The following LCORL variants were observed in gnomAD, a reference collection of about 807,000 sequenced individuals.
LCORL encodes ligand-dependent nuclear receptor corepressor-like protein.
Under a neutral mutation model 141.8 loss-of-function variants are expected in LCORL, and 41 were observed. The observed-to-expected ratio is 0.29, with a 90% CI of 0.23 to 0.38. The LOEUF is 0.38. Ranked by LOEUF, LCORL falls within the 10% of genes least tolerant of loss-of-function variation. The probability of loss-of-function intolerance (pLI) is 1.00; values close to 1 mark genes in which losing one functional copy is unlikely to be tolerated. For synonymous variants in LCORL, 618 were observed against 694.1 expected, an observed-to-expected ratio of 0.89 and a Z score of 1.72; for missense variants, 1,759 against 2,035.0, an observed-to-expected ratio of 0.86 and a Z score of 2.61.
chr4:17,990,390 C>T (rs1053117203), intron 1 of LCORL, among the ~76,000 whole-genome samples: 7 of 151,996 alleles, frequency 4.6e-5, no homozygotes, highest in African/African-American at 1.7e-4. Flanking sequence ...TGAGCCACCA[C>T]GCCTGGCCAA....
chr4:17,938,559 GGCAT>G (rs1737285562), intron 4 of LCORL, among the ~76,000 whole-genome samples: 1 of 151,388 alleles, frequency 6.6e-6, no homozygotes, highest in African/African-American at 2.4e-5. Flanking sequence ...TGAGATTACA[GGCAT>G]GCACCACCAC....
At chr4:18,007,858 A>C (rs1723072135) in intron 1 of LCORL, among the ~76,000 whole-genome samples, 1 of 152,194 alleles carries the variant, frequency 6.6e-6, no homozygotes, top group Admixed American at 6.5e-5. Context: ...ACTCATAGGC[A>C]AATTCTATTC....
At chr4:17,950,689 A>T (rs1739577041) in intron 4 of LCORL, among the ~76,000 whole-genome samples, 1 of 152,170 alleles carries the variant, frequency 6.6e-6, no homozygotes, top group African/African-American at 2.4e-5. Context: ...ATTTAATGAA[A>T]TGGACAGTAG....
chr4:17,873,910 T>C, exon 7 of LCORL: 1 of 1,234,056 alleles, frequency 8.1e-7, no homozygotes, highest in Non-Finnish European at 1.0e-6. Context: ...CCATTCTCTT[T>C]TGCTTCTGAC....
intron 5 of LCORL, among the ~76,000 whole-genome samples, chr4:17,891,168 T>C (rs949325654): frequency 7.2e-5 from 11 of 152,164 alleles, no homozygotes; most frequent in Non-Finnish European, 1.5e-4. Context: ...TTACATGTCT[T>C]AACTCATCCA....
intron 1 of LCORL, among the ~76,000 whole-genome samples, chr4:17,990,753 C>T (rs1437795386): frequency 1.3e-5 from 2 of 151,692 alleles, no homozygotes; most frequent in African/African-American, 2.4e-5. Context: ...GGCCTCAGCC[C>T]GGTCCTGGCC....
chr4:17,979,121 C>A (rs934383594), intron 1 of LCORL, among the ~76,000 whole-genome samples: 1 of 151,882 alleles, frequency 6.6e-6, no homozygotes, highest in African/African-American at 2.4e-5. Flanking sequence ...TTGTTCAATT[C>A]CCACCTATGA....
intron 7 of LCORL, among the ~76,000 whole-genome samples, chr4:17,860,916 T>C (rs944034061): frequency 7.2e-5 from 11 of 152,206 alleles, no homozygotes; most frequent in East Asian, 3.9e-4. Flanking sequence ...CCAGGTCACG[T>C]TGATATAATA....
intron 4 of LCORL, among the ~76,000 whole-genome samples, chr4:17,917,940 A>AAAAACAAAACAAAAAAC (rs750249472): frequency 6.6e-6 from 1 of 151,742 alleles, no homozygotes; most frequent in African/African-American, 2.4e-5. Flanking sequence ...ACAGGTTAAC[A>AAAAACAAAACAAAAAAC]AAAACAAAAC....
chr4:17,976,488 T>C (rs76548524), intron 1 of LCORL, among the ~76,000 whole-genome samples: 10 of 152,264 alleles, frequency 6.6e-5, no homozygotes, highest in Non-Finnish European at 1.5e-4. Context: ...CCATCTACTT[T>C]AAAACATTAT....
At chr4:17,915,814 AAAAG>A (rs1326486832) in intron 4 of LCORL, among the ~76,000 whole-genome samples, 1 of 152,184 alleles carries the variant, frequency 6.6e-6, no homozygotes, top group African/African-American at 2.4e-5. Flanking sequence ...TTAAAGTGCA[AAAAG>A]AAAGAGATAA....
At chr4:17,924,832 ACAACTC>A (rs533671095) in intron 4 of LCORL, among the ~76,000 whole-genome samples, 75 of 152,296 alleles carry the variant, frequency 4.9e-4, no homozygotes, top group African/African-American at 1.8e-3. Context: ...AGTCACAATT[ACAACTC>A]CAACTAGATG....
Position 17,874,253 on chromosome 4 carries a change from G to A in LCORL, c.4737C>T (p.Asn1579=), listed in dbSNP as rs929660985. Residue 1579 remains asparagine (N), a synonymous_variant, in exon 7 of 8, where the codon AAC becomes AAT. Transcript: ENST00000635767. ...TACTTTTCACATTTAAGAGTGGAGA[G>A]TTAGCCACTTTATGCAGTATATGCA... 32 of 1,233,892 alleles carry A rather than the reference G, an allele frequency of 2.6e-5. 1 individual carries two copies. In the South Asian group the frequency reaches 9.8e-4, roughly 38 times the overall value. 76.4% of individuals were successfully genotyped at this position (1,233,892 alleles called of 1,614,324 possible).
At chr4:17,941,388 G>T (rs966434792) in intron 4 of LCORL, among the ~76,000 whole-genome samples, 1 of 152,034 alleles carries the variant, frequency 6.6e-6, no homozygotes, top group Non-Finnish European at 1.5e-5. Flanking sequence ...GAACTCGGAA[G>T]GCGAAGCTTA....
chr4:17,924,030 A>G (rs1195689947), intron 4 of LCORL, among the ~76,000 whole-genome samples: 1 of 151,754 alleles, frequency 6.6e-6, no homozygotes, highest in East Asian at 2.0e-4. Flanking sequence ...AAATGGCCAG[A>G]CGTGTGATTA....
intron 1 of LCORL, among the ~76,000 whole-genome samples, chr4:18,014,558 A>G (rs986967903): frequency 2.6e-4 from 40 of 152,216 alleles, no homozygotes; most frequent in Admixed American, 2.4e-3. Context: ...GGTAAAAAAA[A>G]GAAAAGTAAG....
At chr4:17,971,180 C>T (rs1715856108) in intron 2 of LCORL, among the ~76,000 whole-genome samples, 2 of 151,870 alleles carry the variant, frequency 1.3e-5, no homozygotes, top group South Asian at 4.1e-4. Flanking sequence ...AAAAGGAAAC[C>T]ATAACTATCC....
chr4:17,977,332 T>C (rs1173827154), intron 1 of LCORL, among the ~76,000 whole-genome samples: 1 of 152,208 alleles, frequency 6.6e-6, no homozygotes, highest in Non-Finnish European at 1.5e-5. Context: ...TTCAAAGTTA[T>C]TGTTATCATT....
intron 4 of LCORL, chr4:17,911,880 G>A: frequency 2.1e-6 from 1 of 479,322 alleles, no homozygotes; most frequent in Non-Finnish European, 4.0e-6. Flanking sequence ...GGATGGCCGG[G>A]GGTCTGGCAG....
Sources: allele counts gnomAD v4.1 joint callset (sites outside exome capture counted in the v4.1 genomes callset), GRCh38; gene constraint gnomAD v4.1.1; transcripts MANE v1.5; gene names NCBI Gene and HGNC (gene_info 2026-07-23, HGNC 2026-07-21).